UNC80: variants seen among roughly 807,000 people sequenced by gnomAD.
The protein encoded by UNC80 is protein unc-80 homolog.
A neutral mutation model predicts 384.6 loss-of-function variants in UNC80; 164 were observed. The observed-to-expected ratio is 0.43, with a 90% CI of 0.38 to 0.49. UNC80 has a LOEUF of 0.49. Ranked by LOEUF, UNC80 falls within the 20% of genes least tolerant of loss-of-function variation. The pLI, the probability that UNC80 is intolerant of heterozygous loss-of-function variation, is 0.00. For synonymous variants in UNC80, 1,486 were observed against 1,527.8 expected, an observed-to-expected ratio of 0.97 and a Z score of 0.64; for missense variants, 3,330 against 4,143.0, an observed-to-expected ratio of 0.80 and a Z score of 5.39.
intron 60 of UNC80, chr2:209,982,973 A>G (rs575821773): frequency 3.7e-5 from 5 of 135,916 alleles, no homozygotes; most frequent in African/African-American, 1.3e-4. Context: ...CACACACACA[A>G]TGAAAGTATA....
intron 7 of UNC80, among the ~76,000 whole-genome samples, chr2:209,811,188 G>A (rs891376256): frequency 2.0e-5 from 3 of 152,142 alleles, no homozygotes; most frequent in Non-Finnish European, 4.4e-5. Flanking sequence ...TGGACAATTT[G>A]AGAAAATATT....
At chr2:209,901,784 C>A (rs2087435962) in intron 28 of UNC80, among the ~76,000 whole-genome samples, 1 of 152,006 alleles carries the variant, frequency 6.6e-6, no homozygotes, top group Non-Finnish European at 1.5e-5. Flanking sequence ...ATAAAATTAG[C>A]CGGGCGTGGT....
At position 209,956,786 on chromosome 2, in the gene UNC80, G is replaced by A. The variant is rs1018920780; in HGVS notation, c.7458-858G>A. On this transcript the variant is annotated intron_variant, in intron 48 of 64. Transcript: ENST00000673920. ...TATGCAGATACTCCCCCTTTTTGCC[G>A]TATAATGTAACATAATCACTAGAGT... 5.3e-5 allele frequency among the ~76,000 whole-genome samples: 8 copies of A among 151,982 alleles called. No individual in the cohort carries two copies. In the South Asian group the frequency reaches 1.0e-3, roughly 20 times the overall value.
At chr2:209,888,063 C>G (rs772653362) in intron 25 of UNC80, 32 bp from the exon 26 acceptor site, 1 of 1,550,148 alleles carries the variant, frequency 6.5e-7, no homozygotes, top group African/African-American at 1.4e-5. Context: ...GGGGAGATGC[C>G]AGCACTCATG....
intron 35 of UNC80, 65 bp downstream of exon 35, chr2:209,922,448 T>A: frequency 6.8e-7 from 1 of 1,480,596 alleles, no homozygotes; most frequent in East Asian, 2.5e-5. Flanking sequence ...TTCCAGTTAA[T>A]ATCATGATCT....
chr2:209,886,066 A>G (rs2085776780), intron 25 of UNC80, among the ~76,000 whole-genome samples: 2 of 152,014 alleles, frequency 1.3e-5, no homozygotes, highest in Admixed American at 6.6e-5. Context: ...CCCAGCCTAA[A>G]ATTTTATCTT....
Position 209,820,683 on chromosome 2 carries a change from T to G in UNC80, c.2331+4T>G, listed in dbSNP as rs2080071532. 6.5e-7 allele frequency: 1 copy of G among 1,532,646 alleles called. No homozygotes were observed. Among genetic ancestry groups the G allele is most frequent in the African/African-American group, 1.4e-5 (1 of 72,356 alleles). 94.9% of individuals were successfully genotyped at this position (1,532,646 alleles called of 1,614,324 possible). On this transcript the variant is annotated splice_donor_region_variant and intron_variant, in intron 13 of 64. Transcript: ENST00000673920. ...GAATGATAAGAACCAAGAGAAGGTA[T>G]GACTGAACCACCTTATGTGTCCTCA...
At chr2:209,957,060 A>T (rs2092445212) in intron 48 of UNC80, among the ~76,000 whole-genome samples, 1 of 152,238 alleles carries the variant, frequency 6.6e-6, no homozygotes, top group Non-Finnish European at 1.5e-5. Flanking sequence ...TTTGAAGTAA[A>T]TCTGGCAGAT....
intron 51 of UNC80, among the ~76,000 whole-genome samples, chr2:209,962,891 A>G (rs1198762698): frequency 6.6e-6 from 1 of 152,256 alleles, no homozygotes; most frequent in Non-Finnish European, 1.5e-5. Context: ...TGAGGGTAGT[A>G]TTAAATCGTT....
chr2:209,849,714 CTG>C, intron 22 of UNC80, 91 bp downstream of exon 22: 3 of 1,327,176 alleles, frequency 2.3e-6, no homozygotes, highest in Non-Finnish European at 2.0e-6. Flanking sequence ...TGTAATCCTC[CTG>C]TGTTTGTTTG....
At position 209,994,264 on chromosome 2, in the gene UNC80, G is replaced by A. The variant is rs1400649696; in HGVS notation, c.9708G>A (p.Gln3236=). The change falls in exon 64 of 65, where the codon CAG becomes CAA. Residue 3236 remains glutamine, a splice_region_variant and synonymous_variant. Coordinates refer to ENST00000673920, the MANE Select transcript of UNC80 (RefSeq NM_001371986.1). ...ATCTCCACAGCGTGTCTCCCAAGCA[G>A]GTGAGGGCACTAGAGAAACAGGCAA... ...VADLHSVSPK[Q]SENFPTEEGE... is the part of the protein sequence containing the mutation. 1 of 1,547,762 alleles carries A rather than the reference G, an allele frequency of 6.5e-7. No homozygotes were observed. Among genetic ancestry groups the A allele is most frequent in the African/African-American group, 1.4e-5 (1 of 72,926 alleles).
intron 7 of UNC80, among the ~76,000 whole-genome samples, chr2:209,802,884 C>A (rs2078651441): frequency 6.6e-6 from 1 of 152,176 alleles, no homozygotes; most frequent in African/African-American, 2.4e-5. Flanking sequence ...CCTTGCAGTT[C>A]TAGGACTAAG....
Position 209,918,462 on chromosome 2 carries a change from C to T in UNC80, c.5212-70C>T, listed in dbSNP as rs1018989551. The T allele has an allele frequency of 2.7e-6, 4 of 1,465,880 alleles. No individual in the cohort carries two copies. The Admixed American group carries it at 8.2e-5, about 30-fold the overall frequency. 90.8% of individuals were successfully genotyped at this position (1,465,880 alleles called of 1,614,324 possible). A position where few individuals can be genotyped will look rare whatever the true frequency, so the allele number is the denominator to read the frequency against. On this transcript the variant is annotated intron_variant, in intron 32 of 64. Transcript: ENST00000673920. ...TAACACTTCCTGAGACAGATTGTGT[C>T]ATCATTATACTTCAGCCTCATTCTA...
At chr2:209,785,919 C>A in intron 4 of UNC80, 147 bp from the exon 5 acceptor site, 1 of 890,280 alleles carries the variant, frequency 1.1e-6, no homozygotes. Context: ...ACTCTAGAAA[C>A]ATTCATCTGA....
Position 209,971,464 on chromosome 2 carries a change from CAAAA to C in UNC80, c.8256+522_8256+525del, listed in dbSNP as rs35804573. On this transcript the variant is annotated intron_variant, in intron 54 of 64. Coordinates refer to ENST00000673920, the MANE Select transcript of UNC80 (RefSeq NM_001371986.1). ...AAAATTAAAATAATCATTCCCAAGG[CAAAA>C]AAAAAAAAAAAAAATTGCAGAATCC... 2.6e-3 allele frequency among the ~76,000 whole-genome samples: 354 copies of C among 133,762 alleles called. 5 individuals carry two copies. Among genetic ancestry groups the C allele is most frequent in the African/African-American group, 9.5e-3 (340 of 35,936 alleles). 87.8% of individuals were successfully genotyped at this position (133,762 alleles called of 152,430 possible). A position where few individuals can be genotyped will look rare whatever the true frequency, so the allele number is the denominator to read the frequency against.
chr2:209,873,975 GTA>G (rs1049918109), intron 23 of UNC80, among the ~76,000 whole-genome samples: 9 of 120,132 alleles, frequency 7.5e-5, no homozygotes, highest in Admixed American at 4.1e-4. Context: ...ATACACGTAT[GTA>G]TGTGTGTGTG....
At position 209,918,672 on chromosome 2, in the gene UNC80, C is replaced by A; in HGVS notation, c.5343+9C>A. The A allele has an allele frequency of 6.5e-7, 1 of 1,541,286 alleles. No individual in the cohort carries two copies. The highest frequency in any genetic ancestry group is 8.8e-7 in the Non-Finnish European group (1 of 1,140,140). On this transcript the variant is annotated intron_variant, in intron 33 of 64. Transcript: ENST00000673920. Reference sequence around the variant, plus strand: ...TTAATGAAGACCAGTCTGTGAGTAACAGACACTTCCAGGTTCCATGGTGTA... The same window carrying A: ...TTAATGAAGACCAGTCTGTGAGTAAAAGACACTTCCAGGTTCCATGGTGTA...
chr2:209,877,723 TCA>T (rs2084909184), intron 23 of UNC80, among the ~76,000 whole-genome samples: 1 of 152,172 alleles, frequency 6.6e-6, no homozygotes, highest in African/African-American at 2.4e-5. Context: ...TACAAAGGTG[TCA>T]TTCCAGTTTT....
At chr2:209,974,738 T>C (rs2092966628) in intron 56 of UNC80, among the ~76,000 whole-genome samples, 1 of 152,244 alleles carries the variant, frequency 6.6e-6, no homozygotes, top group Non-Finnish European at 1.5e-5. Flanking sequence ...CCTGAAGGCA[T>C]ATATCTTAAT....
Sources: gnomAD v4.1 joint callset for allele counts (sites outside exome capture counted in the v4.1 genomes callset) on GRCh38, gnomAD v4.1.1 for gene constraint, MANE v1.5 for transcripts, NCBI Gene and HGNC (gene_info 2026-07-23, HGNC 2026-07-21) for gene names.